Variants in SCN3A observed in about 807,000 individuals in gnomAD.
SCN3A encodes sodium voltage-gated channel alpha subunit 3.
Under a neutral mutation model 187.6 loss-of-function variants are expected in SCN3A, and 60 were observed. The ratio of observed to expected loss-of-function variants is 0.32; its 90% CI spans 0.26 to 0.40. The LOEUF is 0.40. SCN3A is among the 10% of genes least tolerant of loss of function. The probability of loss-of-function intolerance (pLI) is 1.00; values close to 1 mark genes in which losing one functional copy is unlikely to be tolerated. For synonymous variants in SCN3A, 788 were observed against 829.2 expected, an observed-to-expected ratio of 0.95 and a Z score of 0.85; for missense variants, 1,601 against 2,428.2, an observed-to-expected ratio of 0.66 and a Z score of 7.16.
intron 1 of SCN3A, among the ~76,000 whole-genome samples, chr2:165,202,787 T>C (rs1000014557): frequency 6.6e-6 from 1 of 152,064 alleles, no homozygotes; most frequent in Non-Finnish European, 1.5e-5. Context: ...AATGTTTCCA[T>C]GCAAATTCCT....
intron 24 of SCN3A, among the ~76,000 whole-genome samples, chr2:165,095,908 A>G (rs1478717742): frequency 6.6e-6 from 1 of 152,162 alleles, no homozygotes; most frequent in Non-Finnish European, 1.5e-5. Context: ...TGATATAAGC[A>G]GGGAAAACAT....
At chr2:165,143,358 A>G (rs1439807) in intron 12 of SCN3A, among the ~76,000 whole-genome samples, 34,174 of 152,058 alleles carry the variant, frequency 0.22, 3,839 homozygotes, top group East Asian at 0.29. Context: ...GGTTGGGAGT[A>G]TGTGGTACGT....
intron 11 of SCN3A, among the ~76,000 whole-genome samples, chr2:165,149,249 C>CACTG (rs1487438978): frequency 1.3e-4 from 20 of 151,780 alleles, no homozygotes; most frequent in African/African-American, 4.8e-4. Flanking sequence ...GATCTCGGCT[C>CACTG]ACTGCAACCT....
intron 16 of SCN3A, 175 bp from the exon 17 acceptor site, chr2:165,130,471 A>T: frequency 1.5e-6 from 1 of 660,392 alleles, no homozygotes; most frequent in Non-Finnish European, 2.6e-6. Flanking sequence ...AGAATTGTAA[A>T]TCTGGTCATA....
intron 5 of SCN3A, among the ~76,000 whole-genome samples, chr2:165,167,412 C>A (rs1055820362): frequency 3.3e-5 from 5 of 151,834 alleles, no homozygotes; most frequent in African/African-American, 9.7e-5. Context: ...CAAATAATGG[C>A]TTAGAGTGGT....
chr2:165,200,616 A>G (rs1437305093), intron 1 of SCN3A, among the ~76,000 whole-genome samples: 1 of 152,036 alleles, frequency 6.6e-6, no homozygotes, highest in Non-Finnish European at 1.5e-5. Context: ...AAGCCTCCCA[A>G]GCTCTTAGCC....
intron 3 of SCN3A, among the ~76,000 whole-genome samples, chr2:165,172,980 C>T (rs1192493292): frequency 6.6e-6 from 1 of 151,988 alleles, no homozygotes; most frequent in Non-Finnish European, 1.5e-5. Flanking sequence ...AAGAGATATA[C>T]CTAAACTGAA....
intron 1 of SCN3A, among the ~76,000 whole-genome samples, chr2:165,191,235 T>TAC (rs933204052): frequency 2.6e-5 from 4 of 152,032 alleles, no homozygotes; most frequent in African/African-American, 9.7e-5. Flanking sequence ...ACAGCAGTAT[T>TAC]ACACAGAAGC....
At chr2:165,148,630 C>G (rs998539723) in intron 11 of SCN3A, among the ~76,000 whole-genome samples, 9 of 151,872 alleles carry the variant, frequency 5.9e-5, no homozygotes, top group Admixed American at 4.6e-4. Flanking sequence ...TTTGACCAAG[C>G]AACACATAAA....
Position 165,176,357 on chromosome 2 carries a change from C to A in SCN3A, c.38G>T (p.Ser13Ile), listed in dbSNP as rs1161052432. Residue 13 changes from serine to isoleucine, a missense_variant, in exon 3 of 28, where the codon AGC (serine) becomes ATC (isoleucine). Physicochemically the swap from Ser to Ile is moderately radical, Grantham distance 142 (BLOSUM62 -2). This residue lies in a region of SCN3A where 74 missense variants were observed against 77.7 expected (regional missense o/e 0.95). Transcript: ENST00000283254. ...AGATTCTCTAGTAAAAAGGCGGAAG[C>A]TTTCAGGTCCTGGGGGTACCAACAG... ...QALLVPPGPESFRLFTRESLA... is the reference protein window; with the variant it reads ...QALLVPPGPEIFRLFTRESLA... 6.2e-6 allele frequency: 10 copies of A among 1,613,968 alleles called. No individual in the cohort carries two copies. Among genetic ancestry groups the A allele is most frequent in the Non-Finnish European group, 7.6e-6 (9 of 1,180,000 alleles).
At chr2:165,151,791 T>G (rs1688698547) in intron 11 of SCN3A, among the ~76,000 whole-genome samples, 1 of 152,136 alleles carries the variant, frequency 6.6e-6, no homozygotes, top group Non-Finnish European at 1.5e-5. Flanking sequence ...GAGAAGATTA[T>G]TCACCAAGCA....
Position 165,128,113 on chromosome 2 carries a change from A to G in SCN3A, c.2923-12T>C, listed in dbSNP as rs752150130. 2 of 1,589,874 alleles carry G rather than the reference A, an allele frequency of 1.3e-6. No individual in the cohort carries two copies. The highest frequency in any genetic ancestry group is 1.7e-6 in the Non-Finnish European group (2 of 1,167,674). The stretch of plus-strand genomic sequence containing the variant: ...AAGAGGTTCAGAACCTAAAAGAAAA[A>G]AAGAAAAATGTCTATTTTAATATTG... On this transcript the variant is annotated splice_polypyrimidine_tract_variant and intron_variant, in intron 17 of 27. Transcript: ENST00000283254.
rs566154996 is a variant in SCN3A, at chr2:165,132,113, G to C, written c.2392-696C>G. 3.2e-3 allele frequency among the ~76,000 whole-genome samples: 485 copies of C among 152,158 alleles called. 3 individuals carry two copies. Among genetic ancestry groups the C allele is most frequent in the African/African-American group, 0.011 (461 of 41,496 alleles). ...TCTTCAAGGAGAACTACAAACCACT[G>C]CTCAATGAAATAAAAGAGGATACAA... On this transcript the variant is annotated intron_variant, in intron 15 of 27. Transcript: ENST00000283254.
intron 2 of SCN3A, among the ~76,000 whole-genome samples, chr2:165,178,435 G>T (rs1690610758): frequency 6.6e-6 from 1 of 152,060 alleles, no homozygotes; most frequent in Non-Finnish European, 1.5e-5. Context: ...TCGCCATTTT[G>T]CCCAGGCTGA....
At chr2:165,175,674 G>A in intron 3 of SCN3A, among the ~76,000 whole-genome samples, 1 of 152,078 alleles carries the variant, frequency 6.6e-6, no homozygotes. Context: ...CTGGCTACAG[G>A]AGGATGCTAA....
intron 2 of SCN3A, among the ~76,000 whole-genome samples, chr2:165,181,062 CAG>C (rs1309888068): frequency 3.3e-5 from 5 of 151,922 alleles, no homozygotes; most frequent in African/African-American, 9.7e-5. Flanking sequence ...TTATTCAAAA[CAG>C]AAAAAAATTT....
Position 165,131,366 on chromosome 2 carries a change from C to G in SCN3A, c.2443G>C (p.Asp815His). The G allele has an allele frequency of 6.2e-7, 1 of 1,607,652 alleles. No homozygotes were observed. The highest frequency in any genetic ancestry group is 8.5e-7 in the Non-Finnish European group (1 of 1,176,168). The change falls in exon 16 of 28, where the codon GAT (aspartate) becomes CAT (histidine). Residue 815 changes from aspartate to histidine, a missense_variant. Asp to His is a moderately conservative substitution (Grantham distance 81). Coordinates refer to ENST00000283254, the MANE Select transcript of SCN3A (RefSeq NM_006922.4). ...CCTTCTTGGAAATAGTAATAAGGATCCATGGCAATGATCTTGAGAACCATT... is the reference window on the plus strand; with the variant it reads ...CCTTCTTGGAAATAGTAATAAGGATGCATGGCAATGATCTTGAGAACCATT... ...AEMVLKIIAM[D>H]PYYYFQEGWN...
At chr2:165,098,569 G>C (rs1289418683) in intron 22 of SCN3A, among the ~76,000 whole-genome samples, 1 of 152,092 alleles carries the variant, frequency 6.6e-6, no homozygotes, top group African/African-American at 2.4e-5. Flanking sequence ...GGCCCGTAAA[G>C]TCCCTTCCTC....
chr2:165,183,680 A>G (rs1392163563), intron 2 of SCN3A, among the ~76,000 whole-genome samples: 1 of 152,170 alleles, frequency 6.6e-6, no homozygotes, highest in African/African-American at 2.4e-5. Context: ...GGCAAATTGT[A>G]TTGGTCCATA....
Sources: allele counts gnomAD v4.1 joint callset (sites outside exome capture counted in the v4.1 genomes callset), GRCh38; gene constraint gnomAD v4.1.1; regional missense constraint gnomAD v4.1.1; transcripts MANE v1.5; gene names NCBI Gene and HGNC (gene_info 2026-07-23, HGNC 2026-07-21).